Variants in MS4A6E observed in about 807,000 individuals in gnomAD.
MS4A6E encodes membrane-spanning 4-domains subfamily A member 6E.
A neutral mutation model predicts 13.2 loss-of-function variants in MS4A6E; 8 were observed. The observed-to-expected ratio is 0.60, with a 90% CI of 0.35 to 1.09. MS4A6E has a LOEUF of 1.09. Ranked by LOEUF, MS4A6E falls within the 50% of genes least tolerant of loss-of-function variation. The probability of loss-of-function intolerance (pLI) is 0.02; values close to 1 mark genes in which losing one functional copy is unlikely to be tolerated. For missense variants in MS4A6E, 177 were observed against 171.1 expected, an observed-to-expected ratio of 1.03 and a Z score of -0.19; for synonymous variants, 72 against 67.6, an observed-to-expected ratio of 1.06 and a Z score of -0.32.
At chr11:60,344,928 T>G (rs958249232), downstream of MS4A6E, among the ~76,000 whole-genome samples, 24 of 151,790 alleles carry the variant, frequency 1.6e-4, no homozygotes, top group African/African-American at 5.6e-4. Flanking sequence ...TTGTTTGTTT[T>G]TTTGTTTTTT....
rs1188058207 is a variant in MS4A6E, at chr11:60,341,119, C to T, written c.*353C>T. 3.9e-5 allele frequency among the ~76,000 whole-genome samples: 6 copies of T among 152,126 alleles called. No homozygotes were observed. Among genetic ancestry groups the T allele is most frequent in the African/African-American group, 1.4e-4 (6 of 41,402 alleles). On this transcript the variant is annotated 3_prime_UTR_variant, in exon 5 of 5. Transcript: ENST00000684409. ...CAGAAAACTAGGCAGAATGATGATT[C>T]AATGGATCACAGTGAGGCAAAGGAT...
downstream of MS4A6E, among the ~76,000 whole-genome samples, chr11:60,343,269 ATGGCT>A (rs1590778101): frequency 6.6e-6 from 1 of 152,196 alleles, no homozygotes; most frequent in African/African-American, 2.4e-5. Flanking sequence ...AGCCATTTTA[ATGGCT>A]TGTAATACTA....
intron 2 of MS4A6E, among the ~76,000 whole-genome samples, chr11:60,337,297 C>A (rs2085193709): frequency 6.6e-6 from 1 of 152,206 alleles, no homozygotes; most frequent in African/African-American, 2.4e-5. Context: ...CCCAAAATTA[C>A]TTTTGCACCA....
intron 1 of MS4A6E, among the ~76,000 whole-genome samples, chr11:60,333,526 A>G (rs2085169947): frequency 6.6e-6 from 1 of 152,240 alleles, no homozygotes; most frequent in South Asian, 2.1e-4. Context: ...AACACGATAA[A>G]TAAGAGAAGG....
At chr11:60,335,147 T>G (rs772610459) in intron 2 of MS4A6E, 105 bp downstream of exon 2, 9 of 1,483,846 alleles carry the variant, frequency 6.1e-6, no homozygotes, top group Middle Eastern at 1.8e-4. Context: ...CCCTTAAGTT[T>G]TGCTGGAGGG....
intron 2 of MS4A6E, 70 bp downstream of exon 2, chr11:60,335,112 C>G (rs2135058929): frequency 6.3e-7 from 1 of 1,578,658 alleles, no homozygotes; most frequent in Non-Finnish European, 8.6e-7. Context: ...TGTTTTGGGA[C>G]TGGTCATCCT....
At chr11:60,345,090 ACAC>A (rs1408559768), downstream of MS4A6E, among the ~76,000 whole-genome samples, 2 of 151,836 alleles carry the variant, frequency 1.3e-5, no homozygotes, top group Non-Finnish European at 2.9e-5. Flanking sequence ...GTGCGCCACC[ACAC>A]CAGGCTAATT....
chr11:60,334,535 T>C (rs1300112005), intron 1 of MS4A6E, among the ~76,000 whole-genome samples: 1 of 152,182 alleles, frequency 6.6e-6, no homozygotes, highest in East Asian at 1.9e-4. Flanking sequence ...AAAAAATTCA[T>C]CAAATATATG....
chr11:60,342,194 AGAGAGAGG>A (rs757517824), downstream of MS4A6E, among the ~76,000 whole-genome samples: 9 of 84,574 alleles, frequency 1.1e-4, no homozygotes, highest in South Asian at 4.8e-4. Context: ...AGAGAGAGAG[AGAGAGAGG>A]GGGGGGGAGA....
At chr11:60,347,334 G>T (rs2085260730) in intron 4 of MS4A6E, among the ~76,000 whole-genome samples, 1 of 152,162 alleles carries the variant, frequency 6.6e-6, no homozygotes, top group African/African-American at 2.4e-5. Context: ...CCTGTACATA[G>T]GGGATCTTGG....
In MS4A6E at chr11:60,334,871, T is replaced by C; in HGVS notation, c.-14-11T>C. 1 of 1,611,882 alleles carries C rather than the reference T, an allele frequency of 6.2e-7. No homozygotes were observed. Among genetic ancestry groups the C allele is most frequent in the Middle Eastern group, 1.7e-4 (1 of 6,044 alleles). ...TACTTTTAAGAGCTAAATCTATTTT[T>C]TCTTCCGTAGTTGGCAACACCATTA... On this transcript the variant is annotated splice_polypyrimidine_tract_variant and intron_variant, in intron 1 of 4. Transcript: ENST00000684409.
rs956197150 is a variant in MS4A6E, at chr11:60,341,289, C to T, written c.*523C>T. ...AAGGCAAACCCCATAATGAAGTCTC[C>T]GAGTGTATGAAAGTAGCCGGCTTCA... On this transcript the variant is annotated 3_prime_UTR_variant, in exon 5 of 5. Coordinates refer to ENST00000684409, the MANE Select transcript of MS4A6E (RefSeq NM_139249.4). 2.0e-5 allele frequency among the ~76,000 whole-genome samples: 3 copies of T among 152,102 alleles called. No individual in the cohort carries two copies. Among genetic ancestry groups the T allele is most frequent in the East Asian group, 1.9e-4 (1 of 5,196 alleles).
chr11:60,346,307 G>A (rs1401101828), downstream of MS4A6E, among the ~76,000 whole-genome samples: 1 of 152,174 alleles, frequency 6.6e-6, no homozygotes, highest in Admixed American at 6.5e-5. Context: ...AGCTACTGGA[G>A]GCTCTGTCCT....
intron 2 of MS4A6E, among the ~76,000 whole-genome samples, chr11:60,337,446 C>G (rs539332862): frequency 4.3e-4 from 66 of 152,210 alleles, no homozygotes; most frequent in African/African-American, 1.6e-3. Context: ...AGGCAAGCCT[C>G]GTGGGCCCTG....
intron 1 of MS4A6E, among the ~76,000 whole-genome samples, chr11:60,329,497 A>G (rs11230274): frequency 0.35 from 52,961 of 152,012 alleles, 9,867 homozygotes; most frequent in East Asian, 0.41. Flanking sequence ...TAATCCTTTC[A>G]GTATATACCC....
At chr11:60,345,595 T>G (rs748792283), downstream of MS4A6E, among the ~76,000 whole-genome samples, 7 of 152,230 alleles carry the variant, frequency 4.6e-5, no homozygotes, top group Non-Finnish European at 8.8e-5. Flanking sequence ...ATATTCAGGT[T>G]CCCCAGCTTC....
chr11:60,345,430 C>T (rs949823303), downstream of MS4A6E, among the ~76,000 whole-genome samples: 3 of 152,142 alleles, frequency 2.0e-5, no homozygotes, highest in African/African-American at 7.2e-5. Context: ...GAGAGACACA[C>T]TTTGAAAGAC....
intron 1 of MS4A6E, among the ~76,000 whole-genome samples, chr11:60,331,993 G>A (rs971766616): frequency 6.6e-6 from 1 of 152,158 alleles, no homozygotes; most frequent in Non-Finnish European, 1.5e-5. Context: ...CTCCAAAATC[G>A]TGAGAAATAA....
At chr11:60,340,104 G>T in intron 4 of MS4A6E, 140 bp downstream of exon 4, 1 of 1,253,228 alleles carries the variant, frequency 8.0e-7, no homozygotes, top group Non-Finnish European at 1.1e-6. Flanking sequence ...AATGGTGATG[G>T]AAGACCGAGA....
Sources: gnomAD v4.1 joint callset for allele counts (sites outside exome capture counted in the v4.1 genomes callset) on GRCh38, gnomAD v4.1.1 for gene constraint, MANE v1.5 for transcripts, NCBI Gene and HGNC (gene_info 2026-07-23, HGNC 2026-07-21) for gene names.